ROBO1: variants seen among roughly 807,000 people sequenced by gnomAD.
ROBO1 encodes roundabout homolog 1.
In ROBO1, 149 loss-of-function variants were observed where a neutral mutation model predicts 195.9. That is an observed-to-expected ratio of 0.76 (90% confidence interval 0.67 to 0.87). ROBO1 has a LOEUF of 0.87. ROBO1 is among the 40% of genes least tolerant of loss of function. The pLI is 0.00. For missense variants in ROBO1, 1,933 were observed against 2,068.3 expected (o/e 0.93, Z 1.27); for synonymous variants, 816 against 733.2 (o/e 1.11, Z -1.82).
At chr3:78,984,256 T>G (rs1477048127) in intron 3 of ROBO1, among the ~76,000 whole-genome samples, 1 of 152,066 alleles carries the variant, frequency 6.6e-6, no homozygotes, top group East Asian at 1.9e-4. Context: ...GAAAGGGAAA[T>G]GGAGGCTTAT....
At chr3:78,816,751 CA>C (rs2029986172) in intron 4 of ROBO1, among the ~76,000 whole-genome samples, 1 of 152,138 alleles carries the variant, frequency 6.6e-6, no homozygotes, top group African/African-American at 2.4e-5. Context: ...AGTAGAATTA[CA>C]AGTGGAGCCT....
At chr3:79,136,288 T>C (rs953570237) in intron 2 of ROBO1, among the ~76,000 whole-genome samples, 1 of 152,088 alleles carries the variant, frequency 6.6e-6, no homozygotes, top group Non-Finnish European at 1.5e-5. Flanking sequence ...AACATTAGGG[T>C]TTCCAACCTT....
intron 2 of ROBO1, among the ~76,000 whole-genome samples, chr3:79,221,871 T>G (rs900661485): frequency 1.3e-5 from 2 of 152,126 alleles, no homozygotes; most frequent in African/African-American, 2.4e-5. Context: ...GTTATCTCTC[T>G]GAGAATACTG....
chr3:78,843,290 C>T (rs966956063), intron 4 of ROBO1, among the ~76,000 whole-genome samples: 1 of 152,060 alleles, frequency 6.6e-6, no homozygotes, highest in Non-Finnish European at 1.5e-5. Context: ...GACTCAAAAT[C>T]AATACCTCCT....
intron 2 of ROBO1, among the ~76,000 whole-genome samples, chr3:79,287,929 T>G (rs368932148): frequency 3.3e-5 from 5 of 152,118 alleles, no homozygotes; most frequent in African/African-American, 1.2e-4. Context: ...GTAAATTGAA[T>G]TCAGATGGAC....
chr3:78,989,003 G>A (rs950486188), intron 3 of ROBO1, among the ~76,000 whole-genome samples: 2 of 152,128 alleles, frequency 1.3e-5, no homozygotes, highest in Non-Finnish European at 2.9e-5. Context: ...GCTGGAAGGT[G>A]TAGGGAGAAT....
At chr3:79,038,745 G>A (rs963965593) in intron 3 of ROBO1, among the ~76,000 whole-genome samples, 1 of 149,422 alleles carries the variant, frequency 6.7e-6, no homozygotes, top group African/African-American at 2.5e-5. Context: ...CCCTAACATC[G>A]CATCTGGTAC....
intron 2 of ROBO1, among the ~76,000 whole-genome samples, chr3:79,235,655 G>T (rs1559754492): frequency 6.6e-6 from 1 of 152,118 alleles, no homozygotes; most frequent in South Asian, 2.1e-4. Context: ...ATCACAACTT[G>T]GCTTTTCCTC....
intron 3 of ROBO1, among the ~76,000 whole-genome samples, chr3:79,118,814 G>A (rs1014238687): frequency 6.8e-6 from 1 of 147,340 alleles, no homozygotes; most frequent in East Asian, 2.0e-4. Context: ...GCATTGAGCC[G>A]AGACCCCACC....
At chr3:79,731,363 T>C (rs75239090) in intron 1 of ROBO1, among the ~76,000 whole-genome samples, 1,855 of 152,220 alleles carry the variant, frequency 0.012, 33 homozygotes, top group African/African-American at 0.041. Context: ...GCATGTAAAG[T>C]ATGTCCCTGA....
At chr3:79,731,612 A>G (rs1355995908) in intron 1 of ROBO1, among the ~76,000 whole-genome samples, 1 of 152,154 alleles carries the variant, frequency 6.6e-6, no homozygotes, top group Non-Finnish European at 1.5e-5. Flanking sequence ...AAAAAACAAT[A>G]AAAAGCATTA....
chr3:79,541,846 G>A (rs1942082608), intron 2 of ROBO1, among the ~76,000 whole-genome samples: 1 of 149,346 alleles, frequency 6.7e-6, no homozygotes, highest in African/African-American at 2.5e-5. Context: ...TATATATATG[G>A]AGAGAGAGAG....
intron 1 of ROBO1, among the ~76,000 whole-genome samples, chr3:79,643,164 T>C (rs1218670252): frequency 1.3e-5 from 2 of 152,168 alleles, no homozygotes; most frequent in Non-Finnish European, 2.9e-5. Flanking sequence ...TTTTCTCATA[T>C]GGGATGCTTC....
chr3:79,229,689 G>T (rs1302748890), intron 2 of ROBO1, among the ~76,000 whole-genome samples: 1 of 152,014 alleles, frequency 6.6e-6, no homozygotes, highest in South Asian at 2.1e-4. Context: ...CAAATGCTGG[G>T]ATTTACAGGC....
At chr3:79,358,465 G>C (rs1346131505) in intron 2 of ROBO1, among the ~76,000 whole-genome samples, 1 of 152,052 alleles carries the variant, frequency 6.6e-6, no homozygotes, top group African/African-American at 2.4e-5. Flanking sequence ...TTCCAGCACA[G>C]CAGCAGTTAG....
intron 1 of ROBO1, among the ~76,000 whole-genome samples, chr3:79,594,574 C>T (rs1021286742): frequency 2.0e-5 from 3 of 151,942 alleles, no homozygotes; most frequent in Non-Finnish European, 2.9e-5. Context: ...TTTAGAATCA[C>T]AGAATGTAAA....
At chr3:79,692,055 G>A (rs1031213339) in intron 1 of ROBO1, among the ~76,000 whole-genome samples, 2 of 151,942 alleles carry the variant, frequency 1.3e-5, no homozygotes, top group East Asian at 3.9e-4. Context: ...CCTTCTGGTA[G>A]ACAGGACTAT....
intron 2 of ROBO1, among the ~76,000 whole-genome samples, chr3:79,333,019 C>G (rs997473654): frequency 6.6e-6 from 1 of 151,902 alleles, no homozygotes; most frequent in Admixed American, 6.6e-5. Flanking sequence ...CCGACCAATA[C>G]GGCGAAACCC....
At chr3:79,499,731 G>A (rs1472739173) in intron 2 of ROBO1, among the ~76,000 whole-genome samples, 1 of 152,148 alleles carries the variant, frequency 6.6e-6, no homozygotes, top group Non-Finnish European at 1.5e-5. Context: ...AGGTACAAGA[G>A]GCAGCTTTTG....
Sources: gnomAD v4.1 joint callset for allele counts (sites outside exome capture counted in the v4.1 genomes callset) on GRCh38, gnomAD v4.1.1 for gene constraint, MANE v1.5 for transcripts, NCBI Gene and HGNC (gene_info 2026-07-23, HGNC 2026-07-21) for gene names.